Variants in NELL1 observed in about 807,000 individuals in gnomAD.
The protein encoded by NELL1 is neural EGFL like 1.
A neutral mutation model predicts 107.4 loss-of-function variants in NELL1; 76 were observed. The observed-to-expected ratio is 0.71, with a 90% confidence interval of 0.59 to 0.86. The LOEUF (loss-of-function observed/expected upper bound fraction) is 0.86, where lower values mean the gene tolerates loss of function less well. Ranked by LOEUF, NELL1 falls within the 40% of genes least tolerant of loss-of-function variation. The pLI, the probability that NELL1 is intolerant of heterozygous loss-of-function variation, is 0.00. For synonymous variants in NELL1, 353 were observed against 341.2 expected, an observed-to-expected ratio of 1.03 and a Z score of -0.38; for missense variants, 1,024 against 1,005.5, an observed-to-expected ratio of 1.02 and a Z score of -0.25.
chr11:21,290,894 G>A (rs1297435080), intron 14 of NELL1, among the ~76,000 whole-genome samples: 1 of 152,124 alleles, frequency 6.6e-6, no homozygotes, highest in Non-Finnish European at 1.5e-5. Flanking sequence ...AAAAACCAGT[G>A]CAAAAAGGCT....
In NELL1 at chr11:20,824,189, T is replaced by C. The variant is rs532275674; in HGVS notation, c.336-23394T>C. 1.2e-3 allele frequency among the ~76,000 whole-genome samples: 182 copies of C among 151,388 alleles called. 15 individuals carry two copies. The Middle Eastern group carries it at 0.021, about 17-fold the overall frequency. ...CCCCCACTTCGCTCTGTGCTTCTTATTCCTGCTGCCATGTGAAGAAGGACG... is the reference window on the plus strand; with the variant it reads ...CCCCCACTTCGCTCTGTGCTTCTTACTCCTGCTGCCATGTGAAGAAGGACG... On this transcript the variant is annotated intron_variant, in intron 3 of 19. Transcript: ENST00000357134.
intron 15 of NELL1, among the ~76,000 whole-genome samples, chr11:21,378,820 C>A (rs928728992): frequency 6.6e-6 from 1 of 150,546 alleles, no homozygotes; most frequent in Non-Finnish European, 1.5e-5. Context: ...TGGGTTCAAG[C>A]GATTCTTGTG....
intron 12 of NELL1, among the ~76,000 whole-genome samples, chr11:21,094,782 G>A (rs1016881600): frequency 3.3e-5 from 5 of 152,256 alleles, no homozygotes; most frequent in Admixed American, 2.6e-4. Context: ...CACATAGCAC[G>A]AAGACCCTGG....
intron 14 of NELL1, among the ~76,000 whole-genome samples, chr11:21,266,270 C>G (rs1848633006): frequency 6.6e-6 from 1 of 151,910 alleles, no homozygotes; most frequent in Non-Finnish European, 1.5e-5. Flanking sequence ...ATTTTTTTCC[C>G]TGACATTAAA....
chr11:21,132,303 C>T (rs1480102345), intron 13 of NELL1, among the ~76,000 whole-genome samples: 1 of 152,154 alleles, frequency 6.6e-6, no homozygotes, highest in Non-Finnish European at 1.5e-5. Context: ...GGTGTTGCCT[C>T]ACCAGCTGGA....
chr11:21,147,582 C>T (rs1291566668), intron 13 of NELL1, among the ~76,000 whole-genome samples: 7 of 151,946 alleles, frequency 4.6e-5, no homozygotes, highest in Non-Finnish European at 5.9e-5. Flanking sequence ...CCTGTAATCC[C>T]AGCATTTTGG....
At chr11:20,716,885 C>T (rs755820570) in intron 2 of NELL1, among the ~76,000 whole-genome samples, 4 of 151,736 alleles carry the variant, frequency 2.6e-5, no homozygotes, top group African/African-American at 4.9e-5. Flanking sequence ...TTGCCTTATG[C>T]GGTTTACAAA....
chr11:20,963,098 C>T (rs192771667), intron 12 of NELL1, among the ~76,000 whole-genome samples: 7 of 152,184 alleles, frequency 4.6e-5, no homozygotes, highest in East Asian at 1.9e-4. Flanking sequence ...CCTATGTTTC[C>T]GTGATTGCAT....
chr11:20,828,910 T>C (rs1037541673), intron 3 of NELL1, among the ~76,000 whole-genome samples: 2 of 152,122 alleles, frequency 1.3e-5, no homozygotes, highest in Non-Finnish European at 2.9e-5. Context: ...TGAGCCAAGA[T>C]TTTATTGGGA....
At chr11:21,297,852 T>G (rs1849405806) in intron 14 of NELL1, among the ~76,000 whole-genome samples, 1 of 151,846 alleles carries the variant, frequency 6.6e-6, no homozygotes, top group Admixed American at 6.6e-5. Context: ...GAGTAACTCC[T>G]GTCTCAGATG....
In NELL1 at chr11:20,783,798, A is replaced by G. The variant is rs1198911251; in HGVS notation, c.303A>G (p.Gly101=). Residue 101 remains glycine, a synonymous_variant, in exon 3 of 20, where the codon GGA becomes GGG. Coordinates refer to ENST00000357134, the MANE Select transcript of NELL1 (RefSeq NM_006157.5). The stretch of plus-strand genomic sequence containing the variant: ...TACAGCAGAAGCCATCCACTTCAGG[A>G]GTGATACTGTCCATTCGAGAACTGG... ...ATVQQKPSTS[G]VILSIRELEH... is the part of the protein sequence containing the mutation. 5.6e-6 allele frequency: 9 copies of G among 1,613,764 alleles called. No homozygotes were observed. The highest frequency in any genetic ancestry group is 5.3e-5 in the African/African-American group (4 of 74,916).
intron 2 of NELL1, among the ~76,000 whole-genome samples, chr11:20,710,517 A>G (rs1479584807): frequency 6.6e-6 from 1 of 151,956 alleles, no homozygotes; most frequent in African/African-American, 2.4e-5. Flanking sequence ...CTTTTTTGTT[A>G]TGTCCTTTCC....
intron 13 of NELL1, among the ~76,000 whole-genome samples, chr11:21,222,399 T>A (rs937856482): frequency 1.1e-4 from 17 of 151,818 alleles, no homozygotes; most frequent in Non-Finnish European, 2.2e-4. Flanking sequence ...GGTTTCACCA[T>A]GTTAGCCAGG....
At chr11:21,051,037 G>T (rs1240796102) in intron 12 of NELL1, among the ~76,000 whole-genome samples, 3 of 152,084 alleles carry the variant, frequency 2.0e-5, no homozygotes, top group Admixed American at 6.6e-5. Context: ...CCCGGTGGTT[G>T]TCTACTCAGA....
At chr11:20,857,475 G>T (rs1031086883) in intron 4 of NELL1, among the ~76,000 whole-genome samples, 18 of 152,202 alleles carry the variant, frequency 1.2e-4, no homozygotes, top group Admixed American at 4.6e-4. Context: ...CCTCAGCATG[G>T]GCTGTGGTAC....
chr11:20,966,932 AG>A (rs145679962), intron 12 of NELL1, among the ~76,000 whole-genome samples: 4,115 of 152,146 alleles, frequency 0.027, 178 homozygotes, highest in African/African-American at 0.093. Flanking sequence ...TATTTCACCT[AG>A]GGTTAAAAGA....
rs575248045 is a variant in NELL1 at position 21,551,908 on chromosome 11, C to T, written c.1787-8281C>T. On this transcript the variant is annotated intron_variant, in intron 16 of 19. Coordinates refer to ENST00000357134, the MANE Select transcript of NELL1 (RefSeq NM_006157.5). ...AACCCAAATGTCCAACAATGATAGA[C>T]TGGATTAAGAAAATGTGGCACATAT... Among the ~76,000 whole-genome samples, 729 of 147,374 alleles carry T rather than the reference C, an allele frequency of 4.9e-3. 7 individuals carry two copies. The highest frequency in any genetic ancestry group is 9.3e-3 in the Non-Finnish European group (618 of 66,384).
intron 6 of NELL1, 108 bp downstream of exon 6, chr11:20,918,362 G>A: frequency 1.5e-6 from 1 of 679,896 alleles, no homozygotes; most frequent in Non-Finnish European, 2.6e-6. Flanking sequence ...TGACTTCTGA[G>A]GTGCTGGAGA....
At chr11:21,273,878 G>T (rs1246830165) in intron 14 of NELL1, among the ~76,000 whole-genome samples, 1 of 152,146 alleles carries the variant, frequency 6.6e-6, no homozygotes, top group Non-Finnish European at 1.5e-5. Flanking sequence ...CACCAGGCCT[G>T]CCCTGAAAGA....
Sources: allele counts gnomAD v4.1 joint callset (sites outside exome capture counted in the v4.1 genomes callset), GRCh38; gene constraint gnomAD v4.1.1; transcripts MANE v1.5; gene names NCBI Gene and HGNC (gene_info 2026-07-23, HGNC 2026-07-21).